The following SLC6A11 variants were observed in gnomAD, a reference collection of about 807,000 sequenced individuals.
The protein encoded by SLC6A11 is solute carrier family 6 member 11.
SLC6A11 carries 25 observed loss-of-function variants against 74.8 expected under a neutral mutation model. That is an observed-to-expected ratio of 0.33 (90% CI 0.24 to 0.47). SLC6A11 has a LOEUF of 0.47. Among genes scored for constraint, SLC6A11 ranks in the 20% least tolerant of loss-of-function variants. The probability of loss-of-function intolerance (pLI) is 1.00; values close to 1 mark genes in which losing one functional copy is unlikely to be tolerated. For synonymous variants in SLC6A11, 330 were observed against 330.2 expected (o/e 1.00, Z 0.01); for missense variants, 574 against 837.0 (o/e 0.69, Z 3.88).
intron 4 of SLC6A11, 87 bp from the exon 5 acceptor site, chr3:10,844,127 G>A (rs945284084): frequency 2.0e-6 from 3 of 1,521,934 alleles, no homozygotes; most frequent in Non-Finnish European, 2.7e-6. Flanking sequence ...ATGAGCACAT[G>A]GGCCCATCCC....
intron 4 of SLC6A11, among the ~76,000 whole-genome samples, chr3:10,829,350 G>A (rs1438781056): frequency 6.6e-6 from 1 of 152,182 alleles, no homozygotes; most frequent in Admixed American, 6.5e-5. Flanking sequence ...ATCTCTACAG[G>A]TACAGAGTCA....
intron 8 of SLC6A11, among the ~76,000 whole-genome samples, chr3:10,922,645 T>G (rs1301451859): frequency 6.6e-6 from 1 of 152,188 alleles, no homozygotes; most frequent in Non-Finnish European, 1.5e-5. Context: ...AGTGCTTCCC[T>G]GAATATATCA....
At chr3:10,878,217 G>A (rs1249687737) in intron 6 of SLC6A11, among the ~76,000 whole-genome samples, 3 of 152,106 alleles carry the variant, frequency 2.0e-5, no homozygotes, top group African/African-American at 7.2e-5. Flanking sequence ...CTGCCTCCTG[G>A]CTGCGTCCCC....
chr3:10,924,585 A>G (rs373682585), intron 8 of SLC6A11, among the ~76,000 whole-genome samples: 49 of 152,332 alleles, frequency 3.2e-4, no homozygotes, highest in African/African-American at 1.2e-3. Flanking sequence ...AATATTTGTA[A>G]TAACTCCTCT....
chr3:10,889,075 G>T (rs1022957625), intron 6 of SLC6A11, among the ~76,000 whole-genome samples: 1 of 152,126 alleles, frequency 6.6e-6, no homozygotes, highest in Non-Finnish European at 1.5e-5. Context: ...AAATTTTGCA[G>T]ATTAAGTATA....
chr3:10,923,956 AC>A (rs1054879598), intron 8 of SLC6A11, among the ~76,000 whole-genome samples: 2 of 152,184 alleles, frequency 1.3e-5, no homozygotes, highest in African/African-American at 4.8e-5. Flanking sequence ...TCATGAGGAA[AC>A]ATCAGACCAA....
chr3:10,854,113 T>C (rs1294169460), intron 5 of SLC6A11, among the ~76,000 whole-genome samples: 2 of 152,200 alleles, frequency 1.3e-5, no homozygotes, highest in African/African-American at 2.4e-5. Flanking sequence ...AGCAAAAGAA[T>C]AGTCTTGCTC....
intron 3 of SLC6A11, among the ~76,000 whole-genome samples, chr3:10,821,376 G>A (rs184299026): frequency 6.6e-6 from 1 of 152,312 alleles, no homozygotes; most frequent in East Asian, 1.9e-4. Flanking sequence ...AAGGGAAAAA[G>A]ACCAGAAAGG....
At chr3:10,844,130 C>G (rs922577277) in intron 4 of SLC6A11, 84 bp from the exon 5 acceptor site, 3 of 1,534,924 alleles carry the variant, frequency 2.0e-6, no homozygotes, top group Non-Finnish European at 2.7e-6. Context: ...AGCACATGGG[C>G]CCATCCCTGC....
At chr3:10,907,201 A>G (rs1166960121) in intron 6 of SLC6A11, among the ~76,000 whole-genome samples, 1 of 152,256 alleles carries the variant, frequency 6.6e-6, no homozygotes, top group Non-Finnish European at 1.5e-5. Context: ...CTATTTAAAA[A>G]GAGAGCTGAC....
At chr3:10,826,636 C>A (rs543656752) in intron 4 of SLC6A11, among the ~76,000 whole-genome samples, 2 of 152,258 alleles carry the variant, frequency 1.3e-5, no homozygotes, top group African/African-American at 2.4e-5. Flanking sequence ...CTTATCATTG[C>A]CAGGCTATGG....
At position 10,938,399 on chromosome 3, in the gene SLC6A11, C is replaced by A; in HGVS notation, c.1896C>A (p.Phe632Leu). The change falls in exon 14 of 14, where the codon TTC becomes TTA. Residue 632 changes from phenylalanine to leucine, a missense_variant. Physicochemically the swap from Phe to Leu is conservative, Grantham distance 22 (BLOSUM62 0). This residue lies in a region of SLC6A11 where 257 missense variants were observed against 341.5 expected (regional missense o/e 0.75). Coordinates refer to ENST00000254488, the MANE Select transcript of SLC6A11 (RefSeq NM_014229.3). ...IAAITEKETH[F>L] is the part of the protein sequence containing the mutation. ...CCATCACAGAGAAGGAGACGCACTT[C>A]TGAGCGGCCACCAGCCATCTGGGGC... The A allele has an allele frequency of 6.3e-7, 1 of 1,593,326 alleles. No individual in the cohort carries two copies. Among genetic ancestry groups the A allele is most frequent in the Non-Finnish European group, 8.6e-7 (1 of 1,164,634 alleles).
chr3:10,844,376 G>C, intron 5 of SLC6A11, 30 bp downstream of exon 5: 1 of 1,613,848 alleles, frequency 6.2e-7, no homozygotes, highest in South Asian at 1.1e-5. Flanking sequence ...GCAGCTAACC[G>C]TGGCAGGGGA....
chr3:10,851,173 C>G (rs1430467993), intron 5 of SLC6A11, among the ~76,000 whole-genome samples: 1 of 152,042 alleles, frequency 6.6e-6, no homozygotes, highest in Non-Finnish European at 1.5e-5. Context: ...TTCTGTCCTT[C>G]TCTTGGTGGA....
intron 5 of SLC6A11, among the ~76,000 whole-genome samples, chr3:10,846,055 C>T (rs925581988): frequency 6.6e-6 from 1 of 152,146 alleles, no homozygotes; most frequent in Non-Finnish European, 1.5e-5. Context: ...AGTGAGCTTA[C>T]CACCACATGG....
At position 10,855,231 on chromosome 3, in the gene SLC6A11, T is replaced by C. The variant is rs1329030045; in HGVS notation, c.756+10885T>C. ...TGATACAAGCATCCTGTGGAGTAGA[T>C]ACTAATCACCCCATTTTACAGATGT... On this transcript the variant is annotated intron_variant, in intron 5 of 13. Coordinates refer to ENST00000254488, the MANE Select transcript of SLC6A11 (RefSeq NM_014229.3). Among the ~76,000 whole-genome samples, 4 of 152,198 alleles carry C rather than the reference T, an allele frequency of 2.6e-5. No homozygotes were observed. In the South Asian group the frequency reaches 6.2e-4, roughly 24 times the overall value.
At chr3:10,866,681 C>T (rs1049520177) in intron 5 of SLC6A11, among the ~76,000 whole-genome samples, 1 of 152,206 alleles carries the variant, frequency 6.6e-6, no homozygotes, top group Non-Finnish European at 1.5e-5. Context: ...TGTTAAAATA[C>T]CATTACCCCC....
At chr3:10,881,043 C>A (rs1016388468) in intron 6 of SLC6A11, among the ~76,000 whole-genome samples, 1 of 152,086 alleles carries the variant, frequency 6.6e-6, no homozygotes, top group Non-Finnish European at 1.5e-5. Flanking sequence ...GAAGGAGTAG[C>A]AAATTGTTGT....
chr3:10,896,608 G>A (rs543029659), intron 6 of SLC6A11, among the ~76,000 whole-genome samples: 40 of 152,340 alleles, frequency 2.6e-4, no homozygotes, highest in Non-Finnish European at 5.0e-4. Context: ...AAGGGAAATG[G>A]CTGAAAATGA....
Sources: gnomAD v4.1 joint callset for allele counts (sites outside exome capture counted in the v4.1 genomes callset) on GRCh38, gnomAD v4.1.1 for gene constraint, gnomAD v4.1.1 regional missense constraint, MANE v1.5 for transcripts, NCBI Gene and HGNC (gene_info 2026-07-23, HGNC 2026-07-21) for gene names.